Variants in CNKSR3 observed in about 807,000 individuals in gnomAD.
The protein encoded by CNKSR3 is CNKSR family member 3, also known as connector enhancer of kinase suppressor of ras 3.
In CNKSR3, 36 loss-of-function variants were observed where a neutral mutation model predicts 67.7. The observed-to-expected ratio is 0.53, with a 90% CI of 0.41 to 0.70. The LOEUF (loss-of-function observed/expected upper bound fraction) is 0.70, where lower values mean the gene tolerates loss of function less well. CNKSR3 is among the 30% of genes least tolerant of loss of function. The probability of loss-of-function intolerance (pLI) is 0.00; values close to 1 mark genes in which losing one functional copy is unlikely to be tolerated. For missense variants in CNKSR3, 630 were observed against 695.2 expected (o/e 0.91, Z 1.05); for synonymous variants, 281 against 271.4 (o/e 1.04, Z -0.35).
intron 11 of CNKSR3, 81 bp from the exon 12 acceptor site, chr6:154,410,513 G>T (rs4502943): frequency 1.1e-6 from 1 of 892,776 alleles, no homozygotes; most frequent in South Asian, 1.4e-5. Context: ...GTATAACTTA[G>T]ACCTCACAAT....
chr6:154,433,431 T>C, intron 5 of CNKSR3, 35 bp downstream of exon 5: 1 of 1,459,300 alleles, frequency 6.9e-7, no homozygotes, highest in East Asian at 2.3e-5. Flanking sequence ...CTTTGGAAAA[T>C]GAATTTTACA....
At position 154,405,049 on chromosome 6, in the gene CNKSR3, C is replaced by T. The variant is rs1784760438; in HGVS notation, c.*1305G>A. ...GGCATTTTGGAGTAGGAGATTTCGG[C>T]TCTGCCTAGGAAGATACCTCAGAAA... On this transcript the variant is annotated 3_prime_UTR_variant, in exon 13 of 13. Transcript: ENST00000607772. The T allele has an allele frequency of 6.6e-6, 1 of 152,158 alleles. No individual in the cohort carries two copies. The highest frequency in any genetic ancestry group is 1.5e-5 in the Non-Finnish European group (1 of 68,022). The allele number at this position is 152,158 out of a possible 1,614,324, so 9.4% of individuals were successfully genotyped here. A position where few individuals can be genotyped will look rare whatever the true frequency, so the allele number is the denominator to read the frequency against.
At chr6:154,493,349 A>C (rs1417171292) in intron 1 of CNKSR3, among the ~76,000 whole-genome samples, 2 of 152,330 alleles carry the variant, frequency 1.3e-5, no homozygotes, top group Admixed American at 6.5e-5. Flanking sequence ...GAATTTTACA[A>C]TCATCTTTCT....
At chr6:154,495,099 T>G (rs1786850956) in intron 1 of CNKSR3, among the ~76,000 whole-genome samples, 2 of 152,200 alleles carry the variant, frequency 1.3e-5, no homozygotes, top group African/African-American at 4.8e-5. Context: ...GACCTGAATT[T>G]TAACTAACAC....
chr6:154,462,634 G>A (rs559616624), intron 1 of CNKSR3, among the ~76,000 whole-genome samples: 26 of 152,270 alleles, frequency 1.7e-4, no homozygotes, highest in African/African-American at 6.3e-4. Context: ...TATGCTGGAT[G>A]CTGGCCAAGC....
intron 1 of CNKSR3, among the ~76,000 whole-genome samples, chr6:154,490,898 G>A (rs1786772297): frequency 6.6e-6 from 1 of 151,866 alleles, no homozygotes; most frequent in Non-Finnish European, 1.5e-5. Flanking sequence ...CCAGGCTGGA[G>A]TGCAATGGCA....
intron 1 of CNKSR3, among the ~76,000 whole-genome samples, chr6:154,497,903 C>T (rs1786910517): frequency 6.6e-6 from 1 of 152,074 alleles, no homozygotes; most frequent in African/African-American, 2.4e-5. Flanking sequence ...TACGTAGGAC[C>T]CCACTAACCA....
At chr6:154,439,350 T>C (rs1785535488) in intron 4 of CNKSR3, among the ~76,000 whole-genome samples, 1 of 152,102 alleles carries the variant, frequency 6.6e-6, no homozygotes, top group South Asian at 2.1e-4. Context: ...AGTGTCCAAA[T>C]ACCTCGGAAG....
chr6:154,479,707 G>GCTTA (rs1786527813), intron 1 of CNKSR3, among the ~76,000 whole-genome samples: 2 of 152,194 alleles, frequency 1.3e-5, no homozygotes, highest in South Asian at 4.1e-4. Context: ...AAATGTTTGT[G>GCTTA]CTTACATATT....
rs1025645340 is a variant in CNKSR3, at chr6:154,405,112, C to G, written c.*1242G>C. 2 of 152,302 alleles carry G rather than the reference C, an allele frequency of 1.3e-5. No individual in the cohort carries two copies. The highest frequency in any genetic ancestry group is 4.8e-5 in the African/African-American group (2 of 41,442). The allele number at this position is 152,302 out of a possible 1,614,324, so 9.4% of individuals were successfully genotyped here. ...CAATTTCACTTTGCATATGCTTCTC[C>G]TGTTCTTCCATTTCTAATCCATAAA... On this transcript the variant is annotated 3_prime_UTR_variant, in exon 13 of 13. Coordinates refer to ENST00000607772, the MANE Select transcript of CNKSR3 (RefSeq NM_173515.4).
chr6:154,503,939 C>A lies in CNKSR3; in HGVS notation c.52+6124G>T, dbSNP rs1054705319. Among the ~76,000 whole-genome samples, 8 of 152,196 alleles carry A rather than the reference C, an allele frequency of 5.3e-5. No homozygotes were observed. The East Asian group carries it at 9.6e-4, about 18-fold the overall frequency. ...AAGTTTGAAAACACATTTGCAGCTA[C>A]GTGCTAGAACAGTGCTTCTCTAATT... On this transcript the variant is annotated intron_variant, in intron 1 of 12. Coordinates refer to ENST00000607772, the MANE Select transcript of CNKSR3 (RefSeq NM_173515.4).
intron 1 of CNKSR3, among the ~76,000 whole-genome samples, chr6:154,459,122 GA>G (rs1786022475): frequency 6.8e-6 from 1 of 147,086 alleles, no homozygotes; most frequent in South Asian, 2.2e-4. Flanking sequence ...AGAAAGAGAA[GA>G]AAAAGAGAGA....
intron 1 of CNKSR3, among the ~76,000 whole-genome samples, chr6:154,455,223 G>A (rs1442131902): frequency 1.3e-5 from 2 of 151,828 alleles, no homozygotes. Context: ...GGATGTTGAG[G>A]CAGAAGAATC....
rs1304211662 is a variant in CNKSR3, at chr6:154,402,328, T to C, written c.*4026A>G. 1.3e-5 allele frequency: 2 copies of C among 152,234 alleles called. No homozygotes were observed. Among genetic ancestry groups the C allele is most frequent in the African/African-American group, 4.8e-5 (2 of 41,452 alleles). The allele number at this position is 152,234 out of a possible 1,614,324, so 9.4% of individuals were successfully genotyped here. A position where few individuals can be genotyped will look rare whatever the true frequency, so the allele number is the denominator to read the frequency against. On this transcript the variant is annotated 3_prime_UTR_variant, in exon 13 of 13. Transcript: ENST00000607772. ...TCAATTGCCCCGCCCAATATTCATA[T>C]AGATGGGAACTCAGTTTACAATAAC...
At chr6:154,472,243 C>A (rs527694914) in intron 1 of CNKSR3, among the ~76,000 whole-genome samples, 29 of 152,212 alleles carry the variant, frequency 1.9e-4, no homozygotes, top group African/African-American at 7.0e-4. Flanking sequence ...GCCCAACACA[C>A]GTACTATTTA....
At chr6:154,462,584 G>A (rs988526235) in intron 1 of CNKSR3, among the ~76,000 whole-genome samples, 3 of 152,140 alleles carry the variant, frequency 2.0e-5, no homozygotes, top group African/African-American at 7.2e-5. Context: ...TGATCTTCCT[G>A]AAGGCATCTC....
In CNKSR3 at chr6:154,404,779, C is replaced by G. The variant is rs1051614094; in HGVS notation, c.*1575G>C. ...CCTGGAAGGTGGAGGTTGCAGTGAGCTGAGATTGCGCCACTGCACTCCAGC... is the reference window on the plus strand; with the variant it reads ...CCTGGAAGGTGGAGGTTGCAGTGAGGTGAGATTGCGCCACTGCACTCCAGC... On this transcript the variant is annotated 3_prime_UTR_variant, in exon 13 of 13. Transcript: ENST00000607772. 3 of 152,354 alleles carry G rather than the reference C, an allele frequency of 2.0e-5. No homozygotes were observed. The highest frequency in any genetic ancestry group is 4.8e-5 in the African/African-American group (2 of 41,440). 9.4% of individuals were successfully genotyped at this position (152,354 alleles called of 1,614,324 possible).
intron 1 of CNKSR3, among the ~76,000 whole-genome samples, chr6:154,477,461 C>T (rs1415846417): frequency 6.8e-6 from 1 of 146,962 alleles, no homozygotes; most frequent in East Asian, 2.0e-4. Context: ...CAGGAGCACA[C>T]CACAAAGCCC....
intron 4 of CNKSR3, among the ~76,000 whole-genome samples, chr6:154,437,576 T>C (rs1030594261): frequency 6.6e-6 from 1 of 151,856 alleles, no homozygotes; most frequent in African/African-American, 2.4e-5. Flanking sequence ...CACCATGCCC[T>C]GGGTGATTTT....
Sources: allele counts gnomAD v4.1 joint callset (sites outside exome capture counted in the v4.1 genomes callset), GRCh38; gene constraint gnomAD v4.1.1; transcripts MANE v1.5; gene names NCBI Gene and HGNC (gene_info 2026-07-23, HGNC 2026-07-21).